DSC3: variants seen among roughly 807,000 people sequenced by gnomAD.
DSC3 encodes the protein desmocollin 3, also known as desmocollin-3.
A neutral mutation model predicts 89.5 loss-of-function variants in DSC3; 97 were observed. The observed-to-expected ratio is 1.08, with a 90% CI of 0.92 to 1.28. DSC3 has a LOEUF of 1.28. Among genes scored for constraint, DSC3 ranks in the 50% most tolerant of loss-of-function variants. The pLI is 0.00. For synonymous variants in DSC3, 436 were observed against 384.1 expected (o/e 1.14, Z -1.58); for missense variants, 1,199 against 1,085.3 (o/e 1.10, Z -1.47).
At chr18:30,996,530 A>G (rs906460336) in intron 15 of DSC3, among the ~76,000 whole-genome samples, 4 of 152,194 alleles carry the variant, frequency 2.6e-5, no homozygotes, top group African/African-American at 9.6e-5. Flanking sequence ...GTAAATACAC[A>G]ACTAAAAATG....
chr18:31,020,081 A>C (rs1279899266), intron 7 of DSC3, among the ~76,000 whole-genome samples: 1 of 152,212 alleles, frequency 6.6e-6, no homozygotes, highest in Non-Finnish European at 1.5e-5. Flanking sequence ...TTTGCTTTGC[A>C]TATGTTGAAT....
At chr18:31,041,337 G>T (rs1986124461) in intron 1 of DSC3, among the ~76,000 whole-genome samples, 1 of 152,186 alleles carries the variant, frequency 6.6e-6, no homozygotes, top group Non-Finnish European at 1.5e-5. Flanking sequence ...CACTTCATAA[G>T]CTCAGATACT....
intron 12 of DSC3, among the ~76,000 whole-genome samples, chr18:31,004,687 G>T (rs1984779164): frequency 6.6e-6 from 1 of 152,004 alleles, no homozygotes; most frequent in Non-Finnish European, 1.5e-5. Flanking sequence ...TTTTTCTTTA[G>T]TACCAATGTA....
At chr18:31,032,585 T>C (rs12968143) in intron 1 of DSC3, among the ~76,000 whole-genome samples, 92 of 117,712 alleles carry the variant, frequency 7.8e-4, no homozygotes, top group Middle Eastern at 4.0e-3. Flanking sequence ...TGTGTGTGTG[T>C]GTGTGCGTGT....
At chr18:31,042,365 G>GTCTCAATTCC in intron 1 of DSC3, among the ~76,000 whole-genome samples, 1 of 152,250 alleles carries the variant, frequency 6.6e-6, no homozygotes, top group Middle Eastern at 3.4e-3. Context: ...TCCAACAATC[G>GTCTCAATTCC]AACACCTTGT....
At chr18:31,041,842 C>T (rs1178678610) in intron 1 of DSC3, among the ~76,000 whole-genome samples, 1 of 152,074 alleles carries the variant, frequency 6.6e-6, no homozygotes, top group Non-Finnish European at 1.5e-5. Flanking sequence ...GGAGTAAGTA[C>T]GACGCAACCC....
chr18:31,021,789 T>G (rs1985427819), intron 7 of DSC3, among the ~76,000 whole-genome samples: 1 of 152,136 alleles, frequency 6.6e-6, no homozygotes, highest in Non-Finnish European at 1.5e-5. Context: ...ACGTGTCTAG[T>G]CAAACAAAAA....
rs1474461683 is a variant in DSC3 at position 31,006,979 on chromosome 18, C to T, written c.1816G>A (p.Ala606Thr). Residue 606 changes from alanine (A) to threonine (T), a missense_variant, in exon 12 of 16, where the codon GCT becomes ACT. Ala to Thr is a moderately conservative substitution (Grantham distance 58). Transcript: ENST00000360428. ...TTGGGCAAACTGAAATAAAATGGAG[C>T]TCCATGGACAGGTTCATCAGGATCA... ...AVDPDEPVHG[A>T]PFYFSLPNTS... The T allele has an allele frequency of 2.5e-6, 4 of 1,613,794 alleles. No individual in the cohort carries two copies. The African/African-American group carries it at 4.0e-5, about 16-fold the overall frequency.
intron 1 of DSC3, among the ~76,000 whole-genome samples, chr18:31,036,611 A>G (rs1323583568): frequency 6.6e-6 from 1 of 151,944 alleles, no homozygotes; most frequent in Non-Finnish European, 1.5e-5. Context: ...TTGACTCTCA[A>G]AACAATTTTA....
chr18:31,025,719 GT>G (rs767815177), intron 5 of DSC3, 40 bp downstream of exon 5: 1 of 1,592,228 alleles, frequency 6.3e-7, no homozygotes, highest in Admixed American at 1.7e-5. Context: ...AAGAAACATA[GT>G]TTAATAATTT....
chr18:30,998,664 C>T (rs922792592), intron 14 of DSC3, among the ~76,000 whole-genome samples: 1 of 152,010 alleles, frequency 6.6e-6, no homozygotes, highest in African/African-American at 2.4e-5. Flanking sequence ...GTAAGAGAAA[C>T]ACAGCTGTGA....
At chr18:31,012,936 T>C (rs773235604) in intron 9 of DSC3, among the ~76,000 whole-genome samples, 5 of 152,130 alleles carry the variant, frequency 3.3e-5, no homozygotes, top group Non-Finnish European at 5.9e-5. Flanking sequence ...GAAATTAATA[T>C]AATTGTAAAA....
In DSC3 at chr18:31,039,780, C is replaced by T. The variant is rs75247243; in HGVS notation, c.69+2812G>A. Among the ~76,000 whole-genome samples the T allele has an allele frequency of 4.9e-3, 750 of 152,210 alleles. 8 individuals are homozygous for T. The highest frequency in any genetic ancestry group is 0.017 in the African/African-American group (702 of 41,530). Reference sequence around the variant, plus strand: ...CATTTATTTATTCAGAACGTGCTTCCGTATCTAGCTGTATCTCAACAGGAA... The same window carrying T: ...CATTTATTTATTCAGAACGTGCTTCTGTATCTAGCTGTATCTCAACAGGAA... On this transcript the variant is annotated intron_variant, in intron 1 of 15. Transcript: ENST00000360428.
At chr18:31,012,832 A>C (rs1447686760) in intron 9 of DSC3, among the ~76,000 whole-genome samples, 1 of 152,190 alleles carries the variant, frequency 6.6e-6, no homozygotes, top group Admixed American at 6.6e-5. Flanking sequence ...TGTAAATCCT[A>C]GACAGAAATT....
Position 31,025,869 on chromosome 18 carries a change from C to A in DSC3, c.521G>T (p.Ser174Ile). 1 of 1,613,072 alleles carries A rather than the reference C, an allele frequency of 6.2e-7. No individual in the cohort carries two copies. ...AQNYTVFYSI[S>I]GRGVDKEPLN... The stretch of plus-strand genomic sequence containing the variant: ...AGGTTCTTTATCAACTCCACGTCCA[C>A]TTATTGAGTAGAAGACAGTATAGTT... Residue 174 changes from serine to isoleucine, a missense_variant, in exon 5 of 16, where the codon AGT (serine) becomes ATT (isoleucine). Ser to Ile is a moderately radical substitution (Grantham distance 142). Transcript: ENST00000360428.
chr18:31,024,372 T>C lies in DSC3; in HGVS notation c.752A>G (p.Glu251Gly), dbSNP rs1237473920. The change falls in exon 6 of 16, where the codon GAA becomes GGA. Residue 251 changes from glutamate (E) to glycine (G), a missense_variant. Transcript: ENST00000360428. Reference protein sequence around the residue: ...PVFTEAIYNFEVLESSRPGTT... With the variant: ...PVFTEAIYNFGVLESSRPGTT... The stretch of plus-strand genomic sequence containing the variant: ...ACCAGGTCTACTACTTTCCAAAACT[T>C]CAAAATTATAAATTGCTTCTGTGAA... The C allele has an allele frequency of 6.2e-7, 1 of 1,606,192 alleles. No homozygotes were observed. Among genetic ancestry groups the C allele is most frequent in the African/African-American group, 1.3e-5 (1 of 74,680 alleles).
chr18:31,038,509 T>C (rs1031032169), intron 1 of DSC3, among the ~76,000 whole-genome samples: 1 of 152,212 alleles, frequency 6.6e-6, no homozygotes, highest in African/African-American at 2.4e-5. Flanking sequence ...TTTTACTTTT[T>C]AACATCTGTT....
chr18:31,002,720 G>A (rs1371556874), intron 13 of DSC3, among the ~76,000 whole-genome samples: 18 of 140,738 alleles, frequency 1.3e-4, no homozygotes, highest in East Asian at 2.1e-4. Context: ...AAAAAAGAAA[G>A]AAAGAAAAAA....
Position 31,007,026 on chromosome 18 carries a change from C to T in DSC3, c.1769G>A (p.Gly590Glu). 6.2e-7 allele frequency: 1 copy of T among 1,613,424 alleles called. No homozygotes were observed. Among genetic ancestry groups the T allele is most frequent in the Non-Finnish European group, 8.5e-7 (1 of 1,179,552 alleles). The stretch of plus-strand genomic sequence containing the variant: ...ATCAACAGCTAAAATGTCGGTATAC[C>T]CCATTTTTGGTTTGCAAATGACTAC... ...EYVVICKPKM[G>E]YTDILAVDPD... Residue 590 changes from glycine to glutamate, a missense_variant, in exon 12 of 16, where the codon GGG becomes GAG. By Grantham distance (98) the Gly-to-Glu change is moderately conservative. Coordinates refer to ENST00000360428, the MANE Select transcript of DSC3 (RefSeq NM_001941.5).
Sources: gnomAD v4.1 joint callset for allele counts (sites outside exome capture counted in the v4.1 genomes callset) on GRCh38, gnomAD v4.1.1 for gene constraint, MANE v1.5 for transcripts, NCBI Gene and HGNC (gene_info 2026-07-23, HGNC 2026-07-21) for gene names.